CROCC: variants seen among roughly 807,000 people sequenced by gnomAD.
The protein encoded by CROCC is rootletin.
A neutral mutation model predicts 245.2 loss-of-function variants in CROCC; 180 were observed. The observed-to-expected ratio is 0.73, with a 90% CI of 0.65 to 0.83. The LOEUF is 0.83. Among genes scored for constraint, CROCC ranks in the 40% least tolerant of loss-of-function variants. The probability of loss-of-function intolerance (pLI) is 0.00; values close to 1 mark genes in which losing one functional copy is unlikely to be tolerated. For missense variants in CROCC, 2,688 were observed against 2,779.4 expected (o/e 0.97, Z 0.74); for synonymous variants, 1,205 against 1,241.6 (o/e 0.97, Z 0.62).
Position 16,954,381 on chromosome 1 carries a change from C to T in CROCC, c.3321+24C>T. On this transcript the variant is annotated intron_variant, in intron 22 of 36. Coordinates refer to ENST00000375541, the MANE Select transcript of CROCC (RefSeq NM_014675.5). This position sits in a 1 kb window ranked among gnomAD's most constrained non-coding sequence, Gnocchi z 4.4. ...GGGTAGGGCAGGCTGGGCAGCTGGG[C>T]CTCTGTCTCATAGAGAGGCACATCC... The T allele has an allele frequency of 6.2e-7, 1 of 1,602,566 alleles. No individual in the cohort carries two copies. The highest frequency in any genetic ancestry group is 8.5e-7 in the Non-Finnish European group (1 of 1,173,956).
At chr1:16,915,211 G>A (rs1361666996) in intron 1 of CROCC, among the ~76,000 whole-genome samples, 2 of 152,288 alleles carry the variant, frequency 1.3e-5, no homozygotes, top group East Asian at 1.9e-4. Flanking sequence ...CGTGATCCCC[G>A]TCTGTGGCTG....
In CROCC at chr1:16,969,278, G is replaced by A. The variant is rs1316983574; in HGVS notation, c.5239G>A (p.Asp1747Asn). Residue 1747 changes from aspartate to asparagine, a missense_variant, in exon 32 of 37, where the codon GAC (aspartate) becomes AAC (asparagine). Physicochemically the swap from Asp to Asn is conservative, Grantham distance 23. Around this residue, in one of 9 missense-constraint regions of CROCC, gnomAD observed 1,218 missense variants for 1,286.3 expected, o/e 0.95. Transcript: ENST00000375541. ...CAGTGCCAGCCTCAACAGCACCCGG[G>A]ACAAGAACCTGCATCTGCAGAAGGC... ...QSSASLNSTRDKNLHLQKALT... is the reference protein window; with the variant it reads ...QSSASLNSTRNKNLHLQKALT... 1 of 1,613,116 alleles carries A rather than the reference G, an allele frequency of 6.2e-7. No individual in the cohort carries two copies. The highest frequency in any genetic ancestry group is 8.5e-7 in the Non-Finnish European group (1 of 1,179,900).
chr1:16,965,446 G>A (rs1479320553), intron 27 of CROCC, among the ~76,000 whole-genome samples: 1 of 152,216 alleles, frequency 6.6e-6, no homozygotes, highest in African/African-American at 2.4e-5. Context: ...CTAAAGGATG[G>A]GCCAGGCAAA....
intron 30 of CROCC, 41 bp from the exon 31 acceptor site, chr1:16,968,162 G>T: frequency 6.5e-7 from 1 of 1,536,418 alleles, no homozygotes; most frequent in Non-Finnish European, 8.8e-7. Flanking sequence ...GGGCTGCGGG[G>T]TGCACTGGAC....
Position 16,960,664 on chromosome 1 carries a change from C to A in CROCC, c.4033-94C>A, listed in dbSNP as rs142857667. ...AGGAGAAAGGGTTGTACTGACCACA[C>A]AGTCAGGGATGGTGGGCTCCAGTCT... On this transcript the variant is annotated intron_variant, in intron 26 of 36. Transcript: ENST00000375541. 5.4e-4 allele frequency: 729 copies of A among 1,345,858 alleles called. 4 individuals carry two copies. In the African/African-American group the frequency reaches 0.01, roughly 19 times the overall value. 83.4% of individuals were successfully genotyped at this position (1,345,858 alleles called of 1,614,324 possible).
At position 16,936,700 on chromosome 1, in the gene CROCC, G is replaced by A. The variant is rs750174420; in HGVS notation, c.1020G>A (p.Leu340=). The A allele has an allele frequency of 1.5e-4, 246 of 1,604,998 alleles. No homozygotes were observed. The East Asian group carries it at 5.4e-3, about 35-fold the overall frequency. The change falls in exon 9 of 37, where the codon CTG becomes CTA. Residue 340 remains leucine, a synonymous_variant. Transcript: ENST00000375541. ...CACGAGCTGTCCAGGAGGCGGGCCTGGGACTGAGCACGGGCCTACGGCTGG... is the reference window on the plus strand; with the variant it reads ...CACGAGCTGTCCAGGAGGCGGGCCTAGGACTGAGCACGGGCCTACGGCTGG... ...RTSRAVQEAG[L]GLSTGLRLAE... is the part of the protein sequence containing the mutation.
At chr1:16,948,602 G>C (rs749217896) in intron 18 of CROCC, 78 bp downstream of exon 18, 3 of 1,472,198 alleles carry the variant, frequency 2.0e-6, no homozygotes, top group African/African-American at 1.4e-5. Flanking sequence ...ACGCAGGCAC[G>C]GGCCCCCAGG....
intron 27 of CROCC, among the ~76,000 whole-genome samples, chr1:16,963,881 C>T (rs1274050327): frequency 1.3e-5 from 2 of 152,100 alleles, no homozygotes; most frequent in African/African-American, 2.4e-5. Context: ...CTGCAACCTC[C>T]GCCTGCTGGG....
At chr1:16,937,221 C>T (rs564347355) in intron 9 of CROCC, among the ~76,000 whole-genome samples, 253 of 152,280 alleles carry the variant, frequency 1.7e-3, no homozygotes, top group South Asian at 9.1e-3. Context: ...GGCGTGGTGG[C>T]GCGTGCCTGT....
At position 16,921,990 on chromosome 1, in the gene CROCC, G is replaced by T; in HGVS notation, c.-29G>T. ...TAGTCTTGGGGTCCTGGAGAAGGGGGCTGGAGGCATGCCCACAGCCTCCCC... is the reference window on the plus strand; with the variant it reads ...TAGTCTTGGGGTCCTGGAGAAGGGGTCTGGAGGCATGCCCACAGCCTCCCC... On this transcript the variant is annotated 5_prime_UTR_variant, in exon 1 of 37. Transcript: ENST00000375541. The T allele has an allele frequency of 1.9e-6, 3 of 1,545,018 alleles. No homozygotes were observed. The highest frequency in any genetic ancestry group is 2.6e-6 in the Non-Finnish European group (3 of 1,141,296).
At chr1:16,960,629 C>A in intron 26 of CROCC, 129 bp from the exon 27 acceptor site, 2 of 1,204,920 alleles carry the variant, frequency 1.7e-6, no homozygotes, top group Non-Finnish European at 1.1e-6. Context: ...GCTTGAGTGG[C>A]GAGCACTAAA....
chr1:16,947,724 T>C (rs2076081254), intron 17 of CROCC, among the ~76,000 whole-genome samples: 1 of 152,246 alleles, frequency 6.6e-6, no homozygotes, highest in African/African-American at 2.4e-5. Flanking sequence ...GCAGCTGCAC[T>C]TGGGTCTGGT....
rs1168170444 is a variant in CROCC, at chr1:16,966,514, G to A, written c.4803G>A (p.Gln1601=). 4 of 1,527,714 alleles carry A rather than the reference G, an allele frequency of 2.6e-6. No homozygotes were observed. In the East Asian group the frequency reaches 9.8e-5, roughly 38 times the overall value. 94.6% of individuals were successfully genotyped at this position (1,527,714 alleles called of 1,614,324 possible). Reference sequence around the variant, plus strand: ...GGGAGCGCCGGGCCACGCTGGACCAGGTGGCCACACTGGAGAGGAGCCTGC... The same window carrying A: ...GGGAGCGCCGGGCCACGCTGGACCAAGTGGCCACACTGGAGAGGAGCCTGC... The part of the protein sequence containing the change: ...SERERRATLD[Q]VATLERSLQA... The change falls in exon 30 of 37, where the codon CAG becomes CAA. Residue 1601 remains glutamine (Q), a synonymous_variant. Transcript: ENST00000375541. This position sits in a 1 kb window ranked among gnomAD's most constrained non-coding sequence, Gnocchi z 4.8.
In CROCC at chr1:16,937,668, G is replaced by A. The variant is rs1465263569; in HGVS notation, c.1221G>A (p.Lys407=). 1.9e-6 allele frequency: 3 copies of A among 1,611,448 alleles called. No homozygotes were observed. The highest frequency in any genetic ancestry group is 1.1e-5 in the South Asian group (1 of 90,904). Residue 407 remains lysine (K), a synonymous_variant, in exon 10 of 37, where the codon AAG becomes AAA. Transcript: ENST00000375541. ...TGACAGAGCTGGGCCTGGCAGTGAAGCGTCTTGAGAAGCAGAATCTGGAGA... is the reference window on the plus strand; with the variant it reads ...TGACAGAGCTGGGCCTGGCAGTGAAACGTCTTGAGAAGCAGAATCTGGAGA... ...ARVTELGLAV[K]RLEKQNLEKD... is the part of the protein sequence containing the mutation.
chr1:16,951,551 C>T (rs1394375608), intron 20 of CROCC, among the ~76,000 whole-genome samples: 2 of 152,212 alleles, frequency 1.3e-5, no homozygotes, highest in Non-Finnish European at 2.9e-5. Flanking sequence ...GGTGATGCTA[C>T]CCAAGGTGTC....
Position 16,965,781 on chromosome 1 carries a change from A to G in CROCC, c.4464A>G (p.Pro1488=). The G allele has an allele frequency of 1.2e-6, 2 of 1,613,760 alleles. No individual in the cohort carries two copies. Among genetic ancestry groups the G allele is most frequent in the Non-Finnish European group, 1.7e-6 (2 of 1,180,012 alleles). The change falls in exon 28 of 37, where the codon CCA becomes CCG. Residue 1488 remains proline (P), a synonymous_variant. Coordinates refer to ENST00000375541, the MANE Select transcript of CROCC (RefSeq NM_014675.5). ...TAGAATGCAGCCCTGGGTCCCAGCC[A>G]CCATCTCCAGGACCTGCCACCTCCC... is the stretch of plus-strand genomic sequence containing the variant. ...STLECSPGSQ[P]PSPGPATSPA... is the part of the protein sequence containing the mutation.
Position 16,961,088 on chromosome 1 carries a change from C to T in CROCC, c.4363C>T (p.Arg1455Trp). The T allele has an allele frequency of 1.5e-6, 2 of 1,363,192 alleles. No individual in the cohort carries two copies. The highest frequency in any genetic ancestry group is 3.4e-5 in the Admixed American group (1 of 29,112). The allele number at this position is 1,363,192 out of a possible 1,614,324, so 84.4% of individuals were successfully genotyped here. Reference sequence around the variant, plus strand: ...CGGTCGCGCGCCCAGCCCAGCCCCGCGGCCAGTGCCCGGTTCCCCTGCCCG... The same window carrying T: ...CGGTCGCGCGCCCAGCCCAGCCCCGTGGCCAGTGCCCGGTTCCCCTGCCCG... ...GLGRAPSPAP[R>W]PVPGSPARDA... Residue 1455 changes from arginine to tryptophan, a missense_variant, in exon 27 of 37, where the codon CGG becomes TGG. By Grantham distance (101) the Arg-to-Trp change is moderately radical. Coordinates refer to ENST00000375541, the MANE Select transcript of CROCC (RefSeq NM_014675.5).
Position 16,921,973 on chromosome 1 carries a change from G to A in CROCC, c.-46G>A. ...GCGCGTGCTGACTGAGCTAGTCTTG[G>A]GGTCCTGGAGAAGGGGGCTGGAGGC... is the stretch of plus-strand genomic sequence containing the variant. On this transcript the variant is annotated 5_prime_UTR_variant, in exon 1 of 37. Transcript: ENST00000375541. 1.3e-6 allele frequency: 2 copies of A among 1,516,134 alleles called. No homozygotes were observed. The highest frequency in any genetic ancestry group is 1.8e-6 in the Non-Finnish European group (2 of 1,114,888). 93.9% of individuals were successfully genotyped at this position (1,516,134 alleles called of 1,614,324 possible).
intron 3 of CROCC, among the ~76,000 whole-genome samples, chr1:16,929,574 G>A (rs1198361545): frequency 6.6e-6 from 1 of 152,298 alleles, no homozygotes; most frequent in Admixed American, 6.5e-5. Flanking sequence ...GGTTGACCCA[G>A]GTGCACCTTT....
Sources: allele counts gnomAD v4.1 joint callset (sites outside exome capture counted in the v4.1 genomes callset), GRCh38; gene constraint gnomAD v4.1.1; regional missense constraint gnomAD v4.1.1; non-coding constraint Gnocchi (gnomAD v3.1); transcripts MANE v1.5; gene names NCBI Gene and HGNC (gene_info 2026-07-23, HGNC 2026-07-21).